Variants in SLC2A13 observed in about 807,000 individuals in gnomAD.
SLC2A13 encodes the protein solute carrier family 2 member 13.
A neutral mutation model predicts 64.4 loss-of-function variants in SLC2A13; 32 were observed. The ratio of observed to expected loss-of-function variants is 0.50; its 90% CI spans 0.37 to 0.67. The LOEUF is 0.67. Ranked by LOEUF, SLC2A13 falls within the 30% of genes least tolerant of loss-of-function variation. SLC2A13 has a pLI of 0.00. For synonymous variants in SLC2A13, 338 were observed against 327.1 expected (o/e 1.03, Z -0.36); for missense variants, 743 against 829.2 (o/e 0.90, Z 1.28).
intron 2 of SLC2A13, among the ~76,000 whole-genome samples, chr12:40,032,858 GATAAC>G (rs768363065): frequency 3.3e-5 from 5 of 152,296 alleles, no homozygotes; most frequent in Non-Finnish European, 5.9e-5. Context: ...TCTCTGAACT[GATAAC>G]ATGAGTTAGC....
chr12:39,981,374 A>C (rs1178715176), intron 3 of SLC2A13, among the ~76,000 whole-genome samples: 2 of 152,140 alleles, frequency 1.3e-5, no homozygotes, highest in Non-Finnish European at 2.9e-5. Context: ...TCAAAAAATC[A>C]ATGAATCCAG....
Position 39,951,282 on chromosome 12 carries a change from G to A in SLC2A13, c.1009C>T (p.Gln337Ter). 1.9e-6 allele frequency: 3 copies of A among 1,613,492 alleles called. No homozygotes were observed. Among genetic ancestry groups the A allele is most frequent in the Non-Finnish European group, 2.5e-6 (3 of 1,179,686 alleles). The part of the protein sequence containing the change: ...IVGCGLQMFQ[Q>*]LSGINTIMYY... ...ATGATGGTGTTAATGCCTGAGAGCT[G>A]CTGGAACATTTGTAGGCCACAACCC... The change falls in exon 4 of 10, where the codon CAG (glutamine) becomes TAG (stop). Residue 337 changes from glutamine (Q) to a stop codon, truncating the protein, a stop_gained. Transcript: ENST00000280871. LOFTEE classifies it high-confidence loss of function.
At chr12:39,960,948 C>T (rs957296121) in intron 3 of SLC2A13, among the ~76,000 whole-genome samples, 2 of 147,710 alleles carry the variant, frequency 1.4e-5, no homozygotes, top group African/African-American at 2.5e-5. Flanking sequence ...GGTTTCACCA[C>T]GTTGGCCATG....
intron 6 of SLC2A13, among the ~76,000 whole-genome samples, chr12:39,842,164 T>C (rs375106112): frequency 6.6e-6 from 1 of 152,046 alleles, no homozygotes; most frequent in East Asian, 1.9e-4. Flanking sequence ...GGAAGTTTAT[T>C]TAAAGGAAAG....
At chr12:39,866,879 A>C (rs1310518703) in intron 5 of SLC2A13, among the ~76,000 whole-genome samples, 2 of 152,252 alleles carry the variant, frequency 1.3e-5, no homozygotes, top group Non-Finnish European at 2.9e-5. Flanking sequence ...ATAACAGAAC[A>C]AAGTTGAAGG....
intron 4 of SLC2A13, among the ~76,000 whole-genome samples, chr12:39,890,060 A>ACC (rs1337253985): frequency 2.0e-5 from 3 of 152,186 alleles, no homozygotes; most frequent in Non-Finnish European, 4.4e-5. Flanking sequence ...AAACCCGATA[A>ACC]TCTGTAAAAT....
At chr12:39,829,389 A>ATTATT (rs1452679878) in intron 7 of SLC2A13, 2 of 65,774 alleles carry the variant, frequency 3.0e-5, no homozygotes, top group African/African-American at 6.7e-5. Context: ...TGTGATAGTA[A>ATTATT]TTCTTTTTTT....
At chr12:40,081,407 T>C (rs1938398069) in intron 1 of SLC2A13, among the ~76,000 whole-genome samples, 1 of 152,232 alleles carries the variant, frequency 6.6e-6, no homozygotes, top group Admixed American at 6.5e-5. Flanking sequence ...ATTTTTTTTA[T>C]TTTGTCCAAC....
At chr12:39,899,514 C>T (rs1021571289) in intron 4 of SLC2A13, among the ~76,000 whole-genome samples, 15 of 151,994 alleles carry the variant, frequency 9.9e-5, no homozygotes, top group Non-Finnish European at 1.8e-4. Context: ...ATTTCTTGCC[C>T]TCTGCTAGCT....
At chr12:40,067,904 A>G (rs1342213496) in intron 1 of SLC2A13, among the ~76,000 whole-genome samples, 5 of 151,892 alleles carry the variant, frequency 3.3e-5, no homozygotes, top group Non-Finnish European at 7.4e-5. Flanking sequence ...AAAATTGCTT[A>G]TTCTTTTTTT....
intron 7 of SLC2A13, among the ~76,000 whole-genome samples, chr12:39,795,502 T>TA (rs1941545008): frequency 6.6e-6 from 1 of 152,230 alleles, no homozygotes; most frequent in South Asian, 2.1e-4. Flanking sequence ...GTCCAGCTGA[T>TA]GACTGGGTGT....
At chr12:40,003,862 G>A (rs1022883553) in intron 3 of SLC2A13, among the ~76,000 whole-genome samples, 8 of 151,706 alleles carry the variant, frequency 5.3e-5, no homozygotes, top group Admixed American at 3.9e-4. Context: ...GCGTGGTGAC[G>A]GGCGCCGGTA....
chr12:39,888,634 T>C (rs1314434707), intron 4 of SLC2A13, among the ~76,000 whole-genome samples: 2 of 152,244 alleles, frequency 1.3e-5, no homozygotes, highest in Non-Finnish European at 2.9e-5. Context: ...CAGGACAGAA[T>C]TGCAAGAGAG....
intron 4 of SLC2A13, among the ~76,000 whole-genome samples, chr12:39,896,451 T>C (rs564570869): frequency 3.6e-4 from 49 of 136,322 alleles, no homozygotes; most frequent in African/African-American, 1.3e-3. Context: ...TATGTATATG[T>C]GTGTATATAT....
intron 3 of SLC2A13, among the ~76,000 whole-genome samples, chr12:39,960,622 C>T (rs531252063): frequency 2.6e-5 from 4 of 152,224 alleles, no homozygotes; most frequent in Admixed American, 6.5e-5. Flanking sequence ...TCAAGTAATC[C>T]ACCCACCTCA....
chr12:39,911,968 G>A (rs1945439369), intron 4 of SLC2A13, among the ~76,000 whole-genome samples: 1 of 151,938 alleles, frequency 6.6e-6, no homozygotes, highest in Admixed American at 6.6e-5. Flanking sequence ...GAAATTCAGG[G>A]CTGATTCTGA....
intron 7 of SLC2A13, chr12:39,788,465 A>G (rs1345522570): frequency 1.3e-5 from 2 of 152,176 alleles, no homozygotes; most frequent in Non-Finnish European, 2.9e-5. Context: ...GGGATGATTC[A>G]CATCCCAGGT....
chr12:39,792,574 G>T (rs564773308), intron 7 of SLC2A13, among the ~76,000 whole-genome samples: 6 of 152,190 alleles, frequency 3.9e-5, no homozygotes, highest in Admixed American at 2.6e-4. Context: ...CCTCTGCCAG[G>T]TGTGTATACA....
intron 1 of SLC2A13, among the ~76,000 whole-genome samples, chr12:40,101,575 C>T (rs1365774975): frequency 6.6e-6 from 1 of 152,064 alleles, no homozygotes; most frequent in Non-Finnish European, 1.5e-5. Context: ...AAACAAAAAC[C>T]CTCACATCTC....
Sources: gnomAD v4.1 joint callset for allele counts (sites outside exome capture counted in the v4.1 genomes callset) on GRCh38, gnomAD v4.1.1 for gene constraint, MANE v1.5 for transcripts, NCBI Gene and HGNC (gene_info 2026-07-23, HGNC 2026-07-21) for gene names.